The following RSRC1 variants were observed in gnomAD, a reference collection of about 807,000 sequenced individuals.
RSRC1 encodes the protein arginine and serine rich coiled-coil 1, also known as serine/Arginine-related protein 53.
A neutral mutation model predicts 49.1 loss-of-function variants in RSRC1; 39 were observed. The observed-to-expected ratio is 0.79, with a 90% CI of 0.61 to 1.04. The LOEUF (loss-of-function observed/expected upper bound fraction) is 1.04, where lower values mean the gene tolerates loss of function less well. Among genes scored for constraint, RSRC1 ranks in the 50% least tolerant of loss-of-function variants. The pLI is 0.00. For missense variants in RSRC1, 388 were observed against 402.4 expected (o/e 0.96, Z 0.31); for synonymous variants, 143 against 130.8 (o/e 1.09, Z -0.63).
intron 6 of RSRC1, among the ~76,000 whole-genome samples, chr3:158,452,704 A>G (rs1737109384): frequency 6.6e-6 from 1 of 152,230 alleles, no homozygotes; most frequent in Admixed American, 6.5e-5. Context: ...TTTACAGTTA[A>G]TTAGAACATT....
intron 3 of RSRC1, among the ~76,000 whole-genome samples, chr3:158,167,205 G>A (rs1424573242): frequency 1.3e-5 from 2 of 151,130 alleles, no homozygotes; most frequent in African/African-American, 2.4e-5. Flanking sequence ...TTTCTTTTTT[G>A]AAGTGGGGTC....
intron 5 of RSRC1, among the ~76,000 whole-genome samples, chr3:158,308,108 A>G (rs533424996): frequency 1.7e-3 from 254 of 152,126 alleles, no homozygotes; most frequent in African/African-American, 5.1e-3. Context: ...TGGTATGAAC[A>G]TAAATTTGTA....
At chr3:158,504,662 A>G (rs909846115) in intron 7 of RSRC1, among the ~76,000 whole-genome samples, 1 of 152,180 alleles carries the variant, frequency 6.6e-6, no homozygotes, top group African/African-American at 2.4e-5. Context: ...AATGAAGAAA[A>G]CAATGCTTAT....
chr3:158,393,856 A>AT (rs1733463261), intron 6 of RSRC1, among the ~76,000 whole-genome samples: 1 of 152,080 alleles, frequency 6.6e-6, no homozygotes, highest in Non-Finnish European at 1.5e-5. Context: ...CAGCAAAAAA[A>AT]CAAAACTTCA....
intron 3 of RSRC1, among the ~76,000 whole-genome samples, chr3:158,157,808 G>A (rs1368285590): frequency 2.0e-5 from 3 of 151,968 alleles, no homozygotes; most frequent in East Asian, 1.9e-4. Context: ...CCAGCTACTC[G>A]GGAGGCTGAG....
chr3:158,401,686 G>A (rs1266071277), intron 6 of RSRC1, among the ~76,000 whole-genome samples: 1 of 151,852 alleles, frequency 6.6e-6, no homozygotes, highest in African/African-American at 2.4e-5. Flanking sequence ...TTCCATTCAG[G>A]TAAAGAAACC....
intron 3 of RSRC1, among the ~76,000 whole-genome samples, chr3:158,131,605 G>A (rs950053346): frequency 6.6e-6 from 1 of 152,072 alleles, no homozygotes; most frequent in South Asian, 2.1e-4. Flanking sequence ...TCCTGTTGCT[G>A]TTCACTCTCC....
chr3:158,352,209 C>A (rs1273692204), intron 5 of RSRC1, among the ~76,000 whole-genome samples: 7 of 151,984 alleles, frequency 4.6e-5, no homozygotes, highest in African/African-American at 1.7e-4. Context: ...GAGTTCAACA[C>A]TGCAGTGAGC....
intron 4 of RSRC1, among the ~76,000 whole-genome samples, chr3:158,284,161 C>T (rs568399423): frequency 1.3e-4 from 19 of 150,540 alleles, no homozygotes; most frequent in Admixed American, 6.0e-4. Flanking sequence ...TTTATTCTTG[C>T]GATAGTTTAC....
chr3:158,469,509 A>G (rs568736314), intron 7 of RSRC1: 1 of 229,396 alleles, frequency 4.4e-6, no homozygotes, highest in East Asian at 1.3e-4. Flanking sequence ...ATGAAACAGT[A>G]TAGCAGAGAT....
At chr3:158,512,211 A>T (rs1427134590) in intron 7 of RSRC1, among the ~76,000 whole-genome samples, 2 of 146,520 alleles carry the variant, frequency 1.4e-5, no homozygotes, top group African/African-American at 5.2e-5. Flanking sequence ...CTGAATGGTA[A>T]TGCCTAGGTT....
At chr3:158,445,436 T>C (rs1736649272) in intron 6 of RSRC1, among the ~76,000 whole-genome samples, 1 of 151,790 alleles carries the variant, frequency 6.6e-6, no homozygotes, top group African/African-American at 2.4e-5. Context: ...TTCTCACTCA[T>C]AGGTGGGAAT....
At chr3:158,159,215 A>C (rs1467135689) in intron 3 of RSRC1, among the ~76,000 whole-genome samples, 1 of 152,122 alleles carries the variant, frequency 6.6e-6, no homozygotes, top group African/African-American at 2.4e-5. Flanking sequence ...GTAAAAGTTC[A>C]CAACCAGTCA....
intron 6 of RSRC1, among the ~76,000 whole-genome samples, chr3:158,418,785 C>T (rs891239792): frequency 2.0e-5 from 3 of 151,930 alleles, no homozygotes; most frequent in East Asian, 3.9e-4. Flanking sequence ...ACTAATTACT[C>T]GCTGTAGTGC....
chr3:158,513,736 A>G (rs1227920434), intron 7 of RSRC1, among the ~76,000 whole-genome samples: 3 of 152,326 alleles, frequency 2.0e-5, no homozygotes. Flanking sequence ...TCTGGCTGTG[A>G]ATCCATCTGG....
At chr3:158,166,763 AAATC>A (rs1257865929) in intron 3 of RSRC1, among the ~76,000 whole-genome samples, 1 of 152,224 alleles carries the variant, frequency 6.6e-6, no homozygotes, top group East Asian at 1.9e-4. Context: ...TTAATCTCTC[AAATC>A]AATCAACTTG....
rs184320241 is a variant in RSRC1, at chr3:158,510,892, A to G, written c.653-26200A>G. On this transcript the variant is annotated intron_variant, in intron 7 of 9. Coordinates refer to ENST00000611884, the MANE Select transcript of RSRC1 (RefSeq NM_001271838.2). ...ATCAGTTTTTCAGGTTTCATTAAAT[A>G]GATTAAGTAAATAAATTGACCAACT... 2.1e-3 allele frequency among the ~76,000 whole-genome samples: 316 copies of G among 152,268 alleles called. 1 individual carries two copies. Among genetic ancestry groups the G allele is most frequent in the African/African-American group, 7.3e-3 (302 of 41,566 alleles).
At chr3:158,481,116 G>A (rs906710185) in intron 7 of RSRC1, among the ~76,000 whole-genome samples, 2 of 152,052 alleles carry the variant, frequency 1.3e-5, no homozygotes, top group African/African-American at 2.4e-5. Flanking sequence ...TTTGTGGGCC[G>A]CTAGGAAGTA....
At position 158,320,733 on chromosome 3, in the gene RSRC1, C is replaced by G. The variant is rs149430540; in HGVS notation, c.531+22658C>G. 3.9e-5 allele frequency among the ~76,000 whole-genome samples: 6 copies of G among 152,296 alleles called. No homozygotes were observed. In the South Asian group the frequency reaches 1.0e-3, roughly 26 times the overall value. On this transcript the variant is annotated intron_variant, in intron 5 of 9. Coordinates refer to ENST00000611884, the MANE Select transcript of RSRC1 (RefSeq NM_001271838.2). ...AAGAGTAGGGGACTTCCAGCTCATACAATCATCTTGCTGTTTTCTGCCTTC... is the reference window on the plus strand; with the variant it reads ...AAGAGTAGGGGACTTCCAGCTCATAGAATCATCTTGCTGTTTTCTGCCTTC...
Sources: gnomAD v4.1 joint callset for allele counts (sites outside exome capture counted in the v4.1 genomes callset) on GRCh38, gnomAD v4.1.1 for gene constraint, MANE v1.5 for transcripts, NCBI Gene and HGNC (gene_info 2026-07-23, HGNC 2026-07-21) for gene names.